WWOX: variants seen among roughly 807,000 people sequenced by gnomAD.
WWOX encodes the protein WW domain containing oxidoreductase.
WWOX carries 69 observed loss-of-function variants against 46.2 expected under a neutral mutation model. The observed-to-expected ratio is 1.49, with a 90% confidence interval of 1.23 to 1.82. The LOEUF (loss-of-function observed/expected upper bound fraction) is 1.82. WWOX is among the 40% of genes most tolerant of loss of function. The pLI is 0.00. For synonymous variants in WWOX, 359 were observed against 202.6 expected (o/e 1.77, Z -6.56); for missense variants, 919 against 542.6 (o/e 1.69, Z -6.89).
At chr16:78,852,684 A>G (rs2052475413) in intron 8 of WWOX, among the ~76,000 whole-genome samples, 1 of 152,192 alleles carries the variant, frequency 6.6e-6, no homozygotes, top group Non-Finnish European at 1.5e-5. Flanking sequence ...TTTTGGAGTA[A>G]TTTGCTACAC....
chr16:78,761,157 G>A (rs887167671), intron 8 of WWOX, among the ~76,000 whole-genome samples: 7 of 152,270 alleles, frequency 4.6e-5, no homozygotes, highest in Middle Eastern at 3.4e-3. Context: ...GCTGTTTCTT[G>A]TTGTGTTCTT....
intron 5 of WWOX, among the ~76,000 whole-genome samples, chr16:78,276,119 C>T (rs961721538): frequency 3.3e-5 from 5 of 152,184 alleles, no homozygotes; most frequent in Non-Finnish European, 7.3e-5. Flanking sequence ...TTACCAAAGC[C>T]GTTTTCATAC....
rs578072119 is a variant in WWOX at position 78,441,083 on chromosome 16, C to T, written c.1056+8331C>T. Among the ~76,000 whole-genome samples, 3 of 152,286 alleles carry T rather than the reference C, an allele frequency of 2.0e-5. No individual in the cohort carries two copies. The South Asian group carries it at 6.2e-4, about 32-fold the overall frequency. ...TCAGCCTCCTGAGTAGCTGAGATTACAGGTGTGCACCACCACGCACGGCTG... is the reference window on the plus strand; with the variant it reads ...TCAGCCTCCTGAGTAGCTGAGATTATAGGTGTGCACCACCACGCACGGCTG... On this transcript the variant is annotated intron_variant, in intron 8 of 8. Coordinates refer to ENST00000566780, the MANE Select transcript of WWOX (RefSeq NM_016373.4).
intron 8 of WWOX, among the ~76,000 whole-genome samples, chr16:79,176,572 A>C (rs1456010142): frequency 2.0e-5 from 3 of 152,230 alleles, no homozygotes; most frequent in Admixed American, 1.3e-4. Context: ...GGTCCCTGAT[A>C]AATATACATA....
At chr16:78,463,651 CT>C (rs1567588237) in intron 8 of WWOX, among the ~76,000 whole-genome samples, 1 of 152,128 alleles carries the variant, frequency 6.6e-6, no homozygotes, top group African/African-American at 2.4e-5. Context: ...CTCAATAAAT[CT>C]TTTTTGATTC....
At chr16:78,554,752 C>T (rs866962832) in intron 8 of WWOX, among the ~76,000 whole-genome samples, 1 of 152,126 alleles carries the variant, frequency 6.6e-6, no homozygotes, top group Admixed American at 6.5e-5. Flanking sequence ...CCTCAGCTCC[C>T]TTCTTCTCTA....
At chr16:78,964,102 G>C (rs770240525) in intron 8 of WWOX, among the ~76,000 whole-genome samples, 4 of 152,184 alleles carry the variant, frequency 2.6e-5, no homozygotes, top group East Asian at 1.9e-4. Flanking sequence ...TTTATCAGCA[G>C]TGTGAAAATG....
intron 8 of WWOX, among the ~76,000 whole-genome samples, chr16:79,047,989 C>T (rs1233672613): frequency 1.3e-5 from 2 of 152,178 alleles, no homozygotes; most frequent in African/African-American, 4.8e-5. Context: ...ACTATATCCT[C>T]TCCTGAAAAT....
chr16:78,766,546 C>T (rs967159076), intron 8 of WWOX, among the ~76,000 whole-genome samples: 3 of 152,186 alleles, frequency 2.0e-5, no homozygotes, highest in African/African-American at 7.2e-5. Context: ...TGTGATTGTG[C>T]TGTTGCACTC....
At chr16:78,207,927 C>G (rs1366086675) in intron 5 of WWOX, among the ~76,000 whole-genome samples, 1 of 152,152 alleles carries the variant, frequency 6.6e-6, no homozygotes, top group Non-Finnish European at 1.5e-5. Flanking sequence ...ATCCTCCTAG[C>G]TCAGCCTCCT....
chr16:78,818,228 G>C (rs2051393509), intron 8 of WWOX, among the ~76,000 whole-genome samples: 1 of 152,214 alleles, frequency 6.6e-6, no homozygotes, highest in South Asian at 2.1e-4. Context: ...GAAGGCTACA[G>C]GTTACCCTGG....
intron 8 of WWOX, among the ~76,000 whole-genome samples, chr16:78,779,232 C>T (rs780977032): frequency 2.6e-5 from 4 of 152,204 alleles, no homozygotes; most frequent in Admixed American, 6.5e-5. Flanking sequence ...ACAACATCTG[C>T]CTCCCTGGCT....
At chr16:79,128,325 T>A (rs1234542361) in intron 8 of WWOX, among the ~76,000 whole-genome samples, 35 of 123,242 alleles carry the variant, frequency 2.8e-4, no homozygotes, top group African/African-American at 1.2e-3. Flanking sequence ...CAACGTCCCC[T>A]AATAGCTAAG....
At chr16:78,336,725 C>G (rs566687252) in intron 5 of WWOX, among the ~76,000 whole-genome samples, 71 of 152,092 alleles carry the variant, frequency 4.7e-4, no homozygotes, top group Non-Finnish European at 9.1e-4. Context: ...AAATTAGAGG[C>G]TAAAAGTTTT....
chr16:78,930,054 C>T (rs555885223), intron 8 of WWOX, among the ~76,000 whole-genome samples: 23 of 152,152 alleles, frequency 1.5e-4, no homozygotes, highest in Middle Eastern at 6.8e-3. Context: ...TGGGCGTGTC[C>T]TTAGGGGAAG....
chr16:78,748,300 T>C (rs1003588531), intron 8 of WWOX, among the ~76,000 whole-genome samples: 4 of 152,226 alleles, frequency 2.6e-5, no homozygotes, highest in Non-Finnish European at 5.9e-5. Context: ...TACTATAAAA[T>C]AGCTCAAAAG....
At chr16:78,831,307 G>T (rs75076715) in intron 8 of WWOX, among the ~76,000 whole-genome samples, 3,210 of 152,284 alleles carry the variant, frequency 0.021, 115 homozygotes, top group African/African-American at 0.073. Context: ...CTGGAGGATT[G>T]ATATCCCCTG....
chr16:78,306,258 G>A (rs2080133446), intron 5 of WWOX, among the ~76,000 whole-genome samples: 1 of 152,174 alleles, frequency 6.6e-6, no homozygotes, highest in South Asian at 2.1e-4. Flanking sequence ...TAACATTCAT[G>A]ATACCTCTGG....
At chr16:78,908,049 G>C (rs7194627) in intron 8 of WWOX, among the ~76,000 whole-genome samples, 140,797 of 152,214 alleles carry the variant, frequency 0.92, 66,124 homozygotes, top group East Asian at 1. Flanking sequence ...CATACTAACC[G>C]TATGAAAGTT....
Sources: gnomAD v4.1 joint callset for allele counts (sites outside exome capture counted in the v4.1 genomes callset) on GRCh38, gnomAD v4.1.1 for gene constraint, MANE v1.5 for transcripts, NCBI Gene and HGNC (gene_info 2026-07-23, HGNC 2026-07-21) for gene names.